Variants in SNX29 observed in about 807,000 individuals in gnomAD.
SNX29 encodes sorting nexin-29.
A neutral mutation model predicts 102.1 loss-of-function variants in SNX29; 78 were observed. That is an observed-to-expected ratio of 0.76 (90% confidence interval 0.64 to 0.92). SNX29 has a LOEUF of 0.92. Among genes scored for constraint, SNX29 ranks in the 40% least tolerant of loss-of-function variants. The probability of loss-of-function intolerance (pLI) is 0.00; values close to 1 mark genes in which losing one functional copy is unlikely to be tolerated. For synonymous variants in SNX29, 580 were observed against 414.5 expected (o/e 1.40, Z -4.85); for missense variants, 1,280 against 1,061.7 (o/e 1.21, Z -2.86).
At chr16:11,988,283 G>T (rs1316685010) in intron 1 of SNX29, among the ~76,000 whole-genome samples, 1 of 130,786 alleles carries the variant, frequency 7.6e-6, no homozygotes, top group Non-Finnish European at 1.6e-5. Context: ...GACAGAGTGC[G>T]ACTCCATCTC....
chr16:12,325,460 A>G (rs975292630), intron 15 of SNX29, among the ~76,000 whole-genome samples: 4 of 152,230 alleles, frequency 2.6e-5, no homozygotes, highest in Non-Finnish European at 5.9e-5. Flanking sequence ...CAATAATGGG[A>G]AAAAACTACA....
chr16:12,090,506 C>G (rs1016653180), intron 11 of SNX29, among the ~76,000 whole-genome samples: 1 of 152,118 alleles, frequency 6.6e-6, no homozygotes, highest in Non-Finnish European at 1.5e-5. Flanking sequence ...CCCCTTGGGA[C>G]CAATTTTTAA....
chr16:12,551,876 C>A (rs1461868097), intron 20 of SNX29, among the ~76,000 whole-genome samples: 1 of 152,154 alleles, frequency 6.6e-6, no homozygotes, highest in Non-Finnish European at 1.5e-5. Flanking sequence ...ATATTTCTAG[C>A]CTGTCTGCTC....
chr16:12,233,303 T>C (rs56891313), intron 14 of SNX29, among the ~76,000 whole-genome samples: 4,573 of 152,284 alleles, frequency 0.03, 219 homozygotes, highest in African/African-American at 0.1. Context: ...TGAATGCAGC[T>C]GGAGGCTGTT....
At chr16:12,128,379 C>T (rs2054308222) in intron 12 of SNX29, among the ~76,000 whole-genome samples, 1 of 151,714 alleles carries the variant, frequency 6.6e-6, no homozygotes, top group Non-Finnish European at 1.5e-5. Context: ...TCAAAGCTCT[C>T]AAGGAACACA....
chr16:12,568,924 TCAGGGCTGGCAGGAGGGTGGGCAC>T lies in SNX29; in HGVS notation c.*300_*323del. On this transcript the variant is annotated 3_prime_UTR_variant, in exon 21 of 21. Transcript: ENST00000566228. ...GGCTGTTCCTCCACCTTTCTGTAGT[TCAGGGCTGGCAGGAGGGTGGGCAC>T]CAGGTCAGGCTGGGTGCGCCATGGT... 2.4e-6 allele frequency: 1 copy of T among 424,154 alleles called. No individual in the cohort carries two copies. Among genetic ancestry groups the T allele is most frequent in the Non-Finnish European group, 4.2e-6 (1 of 238,650 alleles). The allele number at this position is 424,154 out of a possible 1,614,324, so 26.3% of individuals were successfully genotyped here.
At chr16:12,210,390 C>T (rs888232004) in intron 14 of SNX29, among the ~76,000 whole-genome samples, 8 of 150,400 alleles carry the variant, frequency 5.3e-5, no homozygotes, top group Admixed American at 2.0e-4. Context: ...CGCAGCTGGA[C>T]GATCATAGTT....
intron 15 of SNX29, among the ~76,000 whole-genome samples, chr16:12,298,354 G>C (rs972772485): frequency 6.6e-6 from 1 of 152,136 alleles, no homozygotes; most frequent in African/African-American, 2.4e-5. Context: ...CCCCTGGATG[G>C]TTTTCTGCAG....
intron 14 of SNX29, among the ~76,000 whole-genome samples, chr16:12,275,902 TG>T (rs1555502604): frequency 2.6e-5 from 2 of 78,104 alleles, no homozygotes; most frequent in Non-Finnish European, 5.7e-5. Context: ...TTTTTTTTTT[TG>T]GGGGGCGTGG....
At chr16:12,116,277 A>G (rs963212656) in intron 11 of SNX29, among the ~76,000 whole-genome samples, 16 of 152,236 alleles carry the variant, frequency 1.1e-4, no homozygotes, top group African/African-American at 2.4e-4. Flanking sequence ...CATGATCACA[A>G]TCTCCAAAAG....
chr16:12,160,324 G>C (rs1047764074), intron 13 of SNX29, among the ~76,000 whole-genome samples: 1 of 152,212 alleles, frequency 6.6e-6, no homozygotes, highest in African/African-American at 2.4e-5. Flanking sequence ...TTTTAGTTTA[G>C]ATTCAGGATC....
chr16:12,417,432 G>C (rs9745308), intron 18 of SNX29, among the ~76,000 whole-genome samples: 85,328 of 151,926 alleles, frequency 0.56, 24,504 homozygotes, highest in Non-Finnish European at 0.63. Flanking sequence ...GGACATTCCT[G>C]TGGCACATCA....
At position 11,976,769 on chromosome 16, in the gene SNX29, G is replaced by GGCGGC. The variant is rs2055308180; in HGVS notation, c.-30_-26dup. 3.1e-6 allele frequency: 4 copies of GGCGGC among 1,308,424 alleles called. No homozygotes were observed. The highest frequency in any genetic ancestry group is 1.5e-5 in the African/African-American group (1 of 64,920). 81.1% of individuals were successfully genotyped at this position (1,308,424 alleles called of 1,614,324 possible). The stretch of plus-strand genomic sequence containing the variant: ...CGGCAGCCGCAGAAGCGGCAGCGGC[G>GGCGGC]GCGGCGCGGCGCAGGCACCGGCCCG... On this transcript the variant is annotated 5_prime_UTR_variant, in exon 1 of 21. Transcript: ENST00000566228.
intron 16 of SNX29, among the ~76,000 whole-genome samples, chr16:12,390,510 G>C (rs2083493577): frequency 6.6e-6 from 1 of 152,094 alleles, no homozygotes; most frequent in Non-Finnish European, 1.5e-5. Flanking sequence ...CTCTCCCCCT[G>C]TCACCTGCAG....
intron 13 of SNX29, among the ~76,000 whole-genome samples, chr16:12,175,120 A>T (rs1357538073): frequency 6.6e-6 from 1 of 152,120 alleles, no homozygotes; most frequent in Non-Finnish European, 1.5e-5. Context: ...ATGTTCAGGG[A>T]TTATCTAAAT....
At chr16:12,043,565 C>G (rs1350677679) in intron 5 of SNX29, among the ~76,000 whole-genome samples, 1 of 151,938 alleles carries the variant, frequency 6.6e-6, no homozygotes, top group Non-Finnish European at 1.5e-5. Context: ...GTGTGTTGCC[C>G]AGGCTGGTCT....
intron 13 of SNX29, among the ~76,000 whole-genome samples, chr16:12,133,645 G>A (rs2054555510): frequency 6.6e-6 from 1 of 152,094 alleles, no homozygotes; most frequent in African/African-American, 2.4e-5. Context: ...ATAGAGTTTT[G>A]TTGAATAAAT....
intron 20 of SNX29, among the ~76,000 whole-genome samples, chr16:12,563,865 C>T (rs537306368): frequency 3.9e-5 from 6 of 152,344 alleles, no homozygotes; most frequent in African/African-American, 1.4e-4. Context: ...AGCCATCTCT[C>T]CCCATCTCTA....
intron 19 of SNX29, among the ~76,000 whole-genome samples, chr16:12,478,590 G>C (rs2087764780): frequency 6.6e-6 from 1 of 152,132 alleles, no homozygotes; most frequent in African/African-American, 2.4e-5. Flanking sequence ...ATTGTGCAAG[G>C]GGCTGGGTTC....
Sources: gnomAD v4.1 joint callset for allele counts (sites outside exome capture counted in the v4.1 genomes callset) on GRCh38, gnomAD v4.1.1 for gene constraint, MANE v1.5 for transcripts, NCBI Gene and HGNC (gene_info 2026-07-23, HGNC 2026-07-21) for gene names.